GOLM2: variants seen among roughly 807,000 people sequenced by gnomAD.
GOLM2 encodes the protein protein GOLM2.
In GOLM2, 26 loss-of-function variants were observed where a neutral mutation model predicts 55.9. The ratio of observed to expected loss-of-function variants is 0.47; its 90% CI spans 0.34 to 0.65. GOLM2 has a LOEUF of 0.65. Among genes scored for constraint, GOLM2 ranks in the 30% least tolerant of loss-of-function variants. The pLI, the probability that GOLM2 is intolerant of heterozygous loss-of-function variation, is 0.01. For synonymous variants in GOLM2, 165 were observed against 194.6 expected (o/e 0.85, Z 1.27); for missense variants, 486 against 531.8 (o/e 0.91, Z 0.85).
chr15:44,305,380 A>G (rs890407976), intron 1 of GOLM2, among the ~76,000 whole-genome samples: 1 of 147,038 alleles, frequency 6.8e-6, no homozygotes, highest in East Asian at 2.0e-4. Flanking sequence ...GCTCACTACA[A>G]CCTCTACCCC....
intron 9 of GOLM2, among the ~76,000 whole-genome samples, chr15:44,405,845 C>G (rs2079593846): frequency 6.6e-6 from 1 of 152,074 alleles, no homozygotes; most frequent in Admixed American, 6.6e-5. Context: ...TGGCCTCGAA[C>G]TCCTGACCTC....
chr15:44,405,399 G>C (rs1463285059), intron 9 of GOLM2: 1 of 152,176 alleles, frequency 6.6e-6, no homozygotes, highest in Non-Finnish European at 1.5e-5. Context: ...GCAGGATAGG[G>C]CACCTACAAA....
intron 9 of GOLM2, among the ~76,000 whole-genome samples, chr15:44,404,596 G>T (rs1364211658): frequency 6.6e-6 from 1 of 151,050 alleles, no homozygotes; most frequent in African/African-American, 2.4e-5. Context: ...GATTTGTTTG[G>T]ATTATATTTA....
chr15:44,324,059 G>A (rs1291778190), intron 2 of GOLM2, among the ~76,000 whole-genome samples: 1 of 152,094 alleles, frequency 6.6e-6, no homozygotes, highest in Admixed American at 6.6e-5. Context: ...AAATATATTA[G>A]GATGACACAG....
At chr15:44,390,981 G>A (rs888767276) in intron 8 of GOLM2, among the ~76,000 whole-genome samples, 5 of 152,118 alleles carry the variant, frequency 3.3e-5, no homozygotes, top group Non-Finnish European at 7.4e-5. Flanking sequence ...GCTGCAACAT[G>A]AATTTTGGAG....
At chr15:44,338,598 A>G (rs554562853) in intron 6 of GOLM2, among the ~76,000 whole-genome samples, 2 of 152,302 alleles carry the variant, frequency 1.3e-5, no homozygotes, top group South Asian at 2.1e-4. Flanking sequence ...CAGTTGTACT[A>G]TATAGAGTCA....
intron 6 of GOLM2, among the ~76,000 whole-genome samples, chr15:44,364,056 G>T: frequency 1.3e-5 from 2 of 151,482 alleles, no homozygotes; most frequent in Non-Finnish European, 2.9e-5. Flanking sequence ...GGTGGGGGGA[G>T]CGGGGAGGGA....
At chr15:44,369,067 T>TCATATATATA (rs1555424961) in intron 6 of GOLM2, among the ~76,000 whole-genome samples, 1 of 22,978 alleles carries the variant, frequency 4.4e-5, no homozygotes, top group African/African-American at 1.5e-4. Context: ...ATAGGATATA[T>TCATATATATA]TATATATATA....
At chr15:44,402,696 A>C (rs1399033840) in intron 8 of GOLM2, 191 bp from the exon 9 acceptor site, 1 of 453,586 alleles carries the variant, frequency 2.2e-6, no homozygotes, top group Non-Finnish European at 3.9e-6. Context: ...TCTTAATAAA[A>C]ATTACATATT....
chr15:44,403,908 T>A (rs1455666614), intron 9 of GOLM2, among the ~76,000 whole-genome samples: 1 of 151,914 alleles, frequency 6.6e-6, no homozygotes, highest in Non-Finnish European at 1.5e-5. Context: ...ATGTGAAGAG[T>A]TTTTTTTATA....
chr15:44,394,910 A>G (rs1310982830), intron 8 of GOLM2, among the ~76,000 whole-genome samples: 2 of 152,114 alleles, frequency 1.3e-5, no homozygotes, highest in East Asian at 3.8e-4. Flanking sequence ...CCTTCCTTAA[A>G]CTTTCCTTTT....
intron 6 of GOLM2, among the ~76,000 whole-genome samples, chr15:44,361,208 C>T (rs1459487583): frequency 1.3e-4 from 19 of 151,142 alleles, no homozygotes; most frequent in Non-Finnish European, 1.5e-5. Flanking sequence ...AAAATCAGAG[C>T]AGAACTGAAG....
intron 9 of GOLM2, among the ~76,000 whole-genome samples, chr15:44,411,014 T>C (rs1379048602): frequency 2.2e-5 from 2 of 92,514 alleles, no homozygotes; most frequent in African/African-American, 4.4e-5. Flanking sequence ...TTTGTTTGAC[T>C]TTTTTTTTTT....
intron 6 of GOLM2, among the ~76,000 whole-genome samples, chr15:44,357,638 T>C (rs1051197952): frequency 5.3e-5 from 8 of 152,190 alleles, no homozygotes; most frequent in African/African-American, 1.9e-4. Flanking sequence ...CATTATCTTA[T>C]ATGTAGAAGA....
chr15:44,315,063 G>GTAT (rs2078900108), intron 1 of GOLM2, among the ~76,000 whole-genome samples: 1 of 152,116 alleles, frequency 6.6e-6, no homozygotes, highest in African/African-American at 2.4e-5. Flanking sequence ...TCAGAATCAC[G>GTAT]TAAGATTTTT....
chr15:44,336,719 A>G (rs1163745947), intron 4 of GOLM2, among the ~76,000 whole-genome samples: 1 of 151,862 alleles, frequency 6.6e-6, no homozygotes, highest in Non-Finnish European at 1.5e-5. Flanking sequence ...GATCGAGACC[A>G]TCCTGGCTAA....
At chr15:44,383,637 C>G (rs1210627839) in intron 8 of GOLM2, among the ~76,000 whole-genome samples, 1 of 137,184 alleles carries the variant, frequency 7.3e-6, no homozygotes, top group East Asian at 2.1e-4. Context: ...TAGATTTGTT[C>G]TATTTATTTG....
intron 3 of GOLM2, among the ~76,000 whole-genome samples, chr15:44,329,303 A>G (rs1595628835): frequency 6.6e-6 from 1 of 152,298 alleles, no homozygotes; most frequent in East Asian, 1.9e-4. Context: ...TTATATTTGT[A>G]ATCAATTTTA....
At chr15:44,306,096 A>C (rs1197596234) in intron 1 of GOLM2, among the ~76,000 whole-genome samples, 2 of 152,212 alleles carry the variant, frequency 1.3e-5, no homozygotes, top group Non-Finnish European at 2.9e-5. Context: ...TGTCCTTTGA[A>C]GCTTTGAAAC....
Sources: gnomAD v4.1 joint callset for allele counts (sites outside exome capture counted in the v4.1 genomes callset) on GRCh38, gnomAD v4.1.1 for gene constraint, MANE v1.5 for transcripts, NCBI Gene and HGNC (gene_info 2026-07-23, HGNC 2026-07-21) for gene names.